SCN1A: variants seen among roughly 807,000 people sequenced by gnomAD.
The protein encoded by SCN1A is sodium voltage-gated channel alpha subunit 1, also known as sodium channel protein type 1 subunit alpha.
A neutral mutation model predicts 193.7 loss-of-function variants in SCN1A; 13 were observed. That is an observed-to-expected ratio of 0.07 (90% CI 0.04 to 0.11). SCN1A has a LOEUF of 0.11. Ranked by LOEUF, SCN1A falls within the 10% of genes least tolerant of loss-of-function variation. SCN1A has a pLI of 1.00. For missense variants in SCN1A, 1,432 were observed against 2,451.1 expected, an observed-to-expected ratio of 0.58 and a Z score of 8.78; for synonymous variants, 781 against 843.6, an observed-to-expected ratio of 0.93 and a Z score of 1.29.
At chr2:166,107,799 A>C (rs757652855) in intron 2 of SCN1A, among the ~76,000 whole-genome samples, 51 of 152,172 alleles carry the variant, frequency 3.4e-4, no homozygotes, top group Non-Finnish European at 5.7e-4. Flanking sequence ...CAATGTACAA[A>C]GATTAATTCA....
intron 11 of SCN1A, among the ~76,000 whole-genome samples, chr2:166,047,309 AT>A (rs1242434107): frequency 1.3e-5 from 2 of 151,972 alleles, no homozygotes; most frequent in African/African-American, 4.8e-5. Flanking sequence ...CTGCTTTTTC[AT>A]TTTCATTACT....
chr2:166,120,489 T>C (rs1240219868), intron 2 of SCN1A, among the ~76,000 whole-genome samples: 1 of 151,708 alleles, frequency 6.6e-6, no homozygotes, highest in Non-Finnish European at 1.5e-5. Context: ...AAACATTATG[T>C]TTAATGGTAC....
chr2:166,074,276 A>G (rs565083872), intron 3 of SCN1A, among the ~76,000 whole-genome samples: 2 of 152,300 alleles, frequency 1.3e-5, no homozygotes, highest in East Asian at 3.9e-4. Flanking sequence ...TGAACACATA[A>G]AGATAAAGAC....
rs1413166859 is a variant in SCN1A at position 166,041,218 on chromosome 2, C to T, written c.2415+13G>A. 3.2e-6 allele frequency: 5 copies of T among 1,555,618 alleles called. No individual in the cohort carries two copies. The highest frequency in any genetic ancestry group is 3.5e-6 in the Non-Finnish European group (4 of 1,127,142). ...TTTGAAGACTAAACACATTTACCTT[C>T]CAATATGCTTACCAAGTTTCCTACT... On this transcript the variant is annotated intron_variant, in intron 16 of 28. Coordinates refer to ENST00000674923, the MANE Select transcript of SCN1A (RefSeq NM_001165963.4).
intron 2 of SCN1A, among the ~76,000 whole-genome samples, chr2:166,119,802 T>C (rs1690331820): frequency 6.6e-6 from 1 of 152,124 alleles, no homozygotes; most frequent in Admixed American, 6.5e-5. Context: ...GTTTCATCAA[T>C]AATTTAAACT....
At chr2:166,052,090 G>T in intron 8 of SCN1A, 102 bp from the exon 9 acceptor site, 2 of 1,147,494 alleles carry the variant, frequency 1.7e-6, no homozygotes, top group Non-Finnish European at 2.5e-6. Context: ...ATAAATCCAA[G>T]AATGTTTGCA....
At chr2:166,000,153 C>A (rs1361929924) in intron 24 of SCN1A, 1 of 240,552 alleles carries the variant, frequency 4.2e-6, no homozygotes, top group Non-Finnish European at 8.3e-6. Context: ...CAACTTAGAT[C>A]TAAGGATCAT....
intron 19 of SCN1A, 58 bp from the exon 20 acceptor site, chr2:166,015,785 G>A: frequency 6.3e-7 from 1 of 1,587,690 alleles, no homozygotes; most frequent in Non-Finnish European, 8.6e-7. Context: ...TAAGTTGCCT[G>A]CCAAGAAAGG....
Position 165,986,633 on chromosome 2 carries a change from G to A in SCN1A, c.*4612C>T, listed in dbSNP as rs1353940399. ...TAATTTTGAAGGTAGAAATTATAAA[G>A]TCCAGGGCATACAAAATATGATAGT... On this transcript the variant is annotated 3_prime_UTR_variant, in exon 29 of 29. Transcript: ENST00000674923. 6.7e-6 allele frequency: 1 copy of A among 148,460 alleles called. No homozygotes were observed. 9.2% of individuals were successfully genotyped at this position (148,460 alleles called of 1,614,324 possible).
intron 4 of SCN1A, among the ~76,000 whole-genome samples, chr2:166,064,208 G>A (rs945718006): frequency 2.6e-5 from 4 of 152,100 alleles, no homozygotes; most frequent in East Asian, 3.9e-4. Context: ...AGTGTGATCC[G>A]GAACAGGTTT....
At chr2:166,133,928 T>G (rs1336869705) in intron 1 of SCN1A, 2 of 152,138 alleles carry the variant, frequency 1.3e-5, no homozygotes, top group Non-Finnish European at 2.9e-5. Context: ...ATGACTTATT[T>G]TTTTTGTCAT....
chr2:166,090,029 CTTTTTTTTTTTTTTTTT>C (rs545740675), intron 2 of SCN1A, among the ~76,000 whole-genome samples: 7 of 71,384 alleles, frequency 9.8e-5, no homozygotes, highest in Non-Finnish European at 1.6e-4. Flanking sequence ...TCCTTCTTTC[CTTTTTTTTTTTTTTTTT>C]TTTTTTTTTT....
chr2:166,124,439 G>T (rs580243), intron 2 of SCN1A, among the ~76,000 whole-genome samples: 12 of 151,960 alleles, frequency 7.9e-5, no homozygotes, highest in African/African-American at 2.4e-4. Flanking sequence ...CCCAGCTACT[G>T]GGGAGGCTGA....
chr2:166,054,602 T>C (rs367597839), intron 7 of SCN1A, 36 bp downstream of exon 7: 89 of 1,609,490 alleles, frequency 5.5e-5, no homozygotes, highest in Non-Finnish European at 7.2e-5. Context: ...AAAACCAAAC[T>C]ATGTTCTCTC....
intron 2 of SCN1A, among the ~76,000 whole-genome samples, chr2:166,112,626 G>T (rs903584751): frequency 6.6e-6 from 1 of 151,940 alleles, no homozygotes; most frequent in Non-Finnish European, 1.5e-5. Flanking sequence ...GATTAATATT[G>T]GTGATAGCAG....
chr2:166,026,665 C>CTCTT (rs1395857059), intron 19 of SCN1A, among the ~76,000 whole-genome samples: 14 of 142,352 alleles, frequency 9.8e-5, no homozygotes, highest in Admixed American at 4.3e-4. Context: ...TGGAATATTT[C>CTCTT]TCTTTCTTTC....
At chr2:166,136,939 A>G (rs188104065) in intron 1 of SCN1A, among the ~76,000 whole-genome samples, 157 of 152,314 alleles carry the variant, frequency 1.0e-3, no homozygotes, top group African/African-American at 3.3e-3. Context: ...TTCAAAGCCA[A>G]CGGATGAAGG....
intron 2 of SCN1A, among the ~76,000 whole-genome samples, chr2:166,101,504 T>A: frequency 3.8e-5 from 1 of 26,108 alleles, no homozygotes; most frequent in African/African-American, 1.2e-4. Context: ...AAACTTAAAG[T>A]ATAATTAAAA....
At chr2:166,139,100 G>A (rs4667877) in intron 1 of SCN1A, among the ~76,000 whole-genome samples, 117,300 of 152,142 alleles carry the variant, frequency 0.77, 45,879 homozygotes, top group African/African-American at 0.9. Flanking sequence ...TATCTAGGAG[G>A]TAACTAACTT....
Sources: gnomAD v4.1 joint callset for allele counts (sites outside exome capture counted in the v4.1 genomes callset) on GRCh38, gnomAD v4.1.1 for gene constraint, MANE v1.5 for transcripts, NCBI Gene and HGNC (gene_info 2026-07-23, HGNC 2026-07-21) for gene names.